DLG2: variants seen among roughly 807,000 people sequenced by gnomAD.
DLG2 encodes the protein discs large MAGUK scaffold protein 2, also known as disks large homolog 2.
A neutral mutation model predicts 132.5 loss-of-function variants in DLG2; 45 were observed. The ratio of observed to expected loss-of-function variants is 0.34; its 90% CI spans 0.27 to 0.44. The LOEUF (loss-of-function observed/expected upper bound fraction) is 0.44, where lower values mean the gene tolerates loss of function less well. DLG2 is among the 20% of genes least tolerant of loss of function. DLG2 has a pLI of 1.00. For missense variants in DLG2, 1,045 were observed against 1,196.9 expected (o/e 0.87, Z 1.87); for synonymous variants, 424 against 419.6 (o/e 1.01, Z -0.13).
At position 85,278,761 on chromosome 11, in the gene DLG2, C is replaced by T. The variant is rs1364822272; in HGVS notation, c.186+6459G>A. ...TTTCTAAACCCACCCAGCTATGAAA[C>T]CATCTCTAGTACTCTAGTAAAAATC... On this transcript the variant is annotated intron_variant, in intron 4 of 27. Coordinates refer to ENST00000376104, the MANE Select transcript of DLG2 (RefSeq NM_001142699.3). Among the ~76,000 whole-genome samples the T allele has an allele frequency of 3.9e-5, 6 of 152,130 alleles. No homozygotes were observed. In the East Asian group the frequency reaches 9.6e-4, roughly 24 times the overall value.
At chr11:85,213,349 T>C (rs770254632) in intron 4 of DLG2, among the ~76,000 whole-genome samples, 1 of 151,796 alleles carries the variant, frequency 6.6e-6, no homozygotes, top group South Asian at 2.1e-4. Context: ...AATTAATACA[T>C]GTAAGATGTA....
chr11:85,519,647 T>C (rs962580745), intron 3 of DLG2, among the ~76,000 whole-genome samples: 3 of 152,190 alleles, frequency 2.0e-5, no homozygotes, highest in African/African-American at 7.2e-5. Context: ...GGGGAACTGT[T>C]GGGAAGGCAT....
At chr11:84,354,628 A>G (rs2098600071) in intron 7 of DLG2, among the ~76,000 whole-genome samples, 1 of 152,246 alleles carries the variant, frequency 6.6e-6, no homozygotes, top group South Asian at 2.1e-4. Context: ...ACAGAATCAG[A>G]GAATTAAACT....
At chr11:85,256,649 C>T (rs1186650354) in intron 4 of DLG2, among the ~76,000 whole-genome samples, 1 of 152,148 alleles carries the variant, frequency 6.6e-6, no homozygotes, top group East Asian at 1.9e-4. Context: ...CATCTGCATG[C>T]TCCTCCTCCT....
At chr11:84,909,898 T>C (rs1454572440) in intron 6 of DLG2, among the ~76,000 whole-genome samples, 1 of 152,230 alleles carries the variant, frequency 6.6e-6, no homozygotes, top group Non-Finnish European at 1.5e-5. Context: ...CCCTGCATCC[T>C]GCCTCTGGCC....
At chr11:83,924,867 G>GTT (rs1342347304) in intron 15 of DLG2, among the ~76,000 whole-genome samples, 1 of 152,094 alleles carries the variant, frequency 6.6e-6, no homozygotes, top group African/African-American at 2.4e-5. Flanking sequence ...ACAGTTAGAA[G>GTT]TTAGACCTAT....
chr11:84,570,037 T>C (rs2099474911), intron 6 of DLG2, among the ~76,000 whole-genome samples: 1 of 152,154 alleles, frequency 6.6e-6, no homozygotes, highest in Admixed American at 6.5e-5. Flanking sequence ...ATTCTGAATG[T>C]TGGAAAGGAT....
intron 6 of DLG2, among the ~76,000 whole-genome samples, chr11:84,694,966 A>C (rs2058463109): frequency 1.3e-5 from 2 of 151,566 alleles, no homozygotes; most frequent in South Asian, 4.1e-4. Flanking sequence ...AAAGTGGCTA[A>C]ATTGTTCGCC....
chr11:85,517,250 C>G (rs546289460), intron 3 of DLG2, among the ~76,000 whole-genome samples: 1 of 151,200 alleles, frequency 6.6e-6, no homozygotes, highest in Non-Finnish European at 1.5e-5. Context: ...AAAAAAAAAC[C>G]CTCCCCAAGA....
At chr11:83,604,553 C>T (rs942795179) in intron 19 of DLG2, among the ~76,000 whole-genome samples, 8 of 152,024 alleles carry the variant, frequency 5.3e-5, no homozygotes, top group African/African-American at 1.5e-4. Context: ...GTACTCCATA[C>T]GATACTATAA....
chr11:85,392,997 G>A (rs2086937651), intron 3 of DLG2, among the ~76,000 whole-genome samples: 1 of 152,094 alleles, frequency 6.6e-6, no homozygotes. Context: ...AAACTAAAAA[G>A]CTTTTGCACA....
chr11:83,786,880 T>A, intron 17 of DLG2, 88 bp from the exon 18 acceptor site: 1 of 1,033,672 alleles, frequency 9.7e-7, no homozygotes, highest in Non-Finnish European at 1.5e-6. Context: ...CCAGGCTGTC[T>A]AACATTATAT....
In DLG2 at chr11:83,986,314, GT is replaced by G. The variant is rs2093307113; in HGVS notation, c.920-5673del. ...TATGAGTGAGAATATGCGGCATTTG[GT>G]TTTTTGTTCTTGCAATAGTTTACTG... On this transcript the variant is annotated intron_variant, in intron 11 of 27. Transcript: ENST00000376104. 2.0e-5 allele frequency among the ~76,000 whole-genome samples: 3 copies of G among 151,550 alleles called. No homozygotes were observed. The South Asian group carries it at 6.3e-4, about 32-fold the overall frequency.
At chr11:83,984,824 CTTAGTG>C (rs1357725740) in intron 11 of DLG2, among the ~76,000 whole-genome samples, 1 of 152,200 alleles carries the variant, frequency 6.6e-6, no homozygotes, top group African/African-American at 2.4e-5. Flanking sequence ...TTTATCATTT[CTTAGTG>C]TTAGGAACAT....
intron 18 of DLG2, among the ~76,000 whole-genome samples, chr11:83,701,777 C>T (rs1044451780): frequency 2.0e-5 from 3 of 152,074 alleles, no homozygotes; most frequent in Non-Finnish European, 2.9e-5. Flanking sequence ...GATAACCTGT[C>T]GTGGTAGGGA....
At chr11:84,981,148 T>A (rs1041522060) in intron 6 of DLG2, among the ~76,000 whole-genome samples, 2 of 152,218 alleles carry the variant, frequency 1.3e-5, no homozygotes, top group African/African-American at 4.8e-5. Context: ...AGTCATGGAC[T>A]CTATATGCTC....
chr11:83,775,997 C>A lies in DLG2; in HGVS notation c.1825+10693G>T, dbSNP rs573391855. Among the ~76,000 whole-genome samples, 4 of 152,172 alleles carry A rather than the reference C, an allele frequency of 2.6e-5. No homozygotes were observed. The South Asian group carries it at 6.2e-4, about 24-fold the overall frequency. On this transcript the variant is annotated intron_variant, in intron 18 of 27. Transcript: ENST00000376104. Reference sequence around the variant, plus strand: ...GTCCCAGCTACTCGGGAGGCTGAGGCAGGAGAATGGTGTGAACCCAGGAGG... The same window carrying A: ...GTCCCAGCTACTCGGGAGGCTGAGGAAGGAGAATGGTGTGAACCCAGGAGG...
intron 3 of DLG2, among the ~76,000 whole-genome samples, chr11:85,540,170 A>G (rs1598381663): frequency 6.6e-6 from 1 of 152,144 alleles, no homozygotes; most frequent in Non-Finnish European, 1.5e-5. Context: ...TGAGGGATCC[A>G]CCCTTGGGCC....
intron 4 of DLG2, among the ~76,000 whole-genome samples, chr11:85,264,128 C>A (rs1389620092): frequency 6.6e-6 from 1 of 152,152 alleles, no homozygotes; most frequent in Non-Finnish European, 1.5e-5. Flanking sequence ...TGTTCTCCCC[C>A]ACCTGCTGCC....
Sources: allele counts gnomAD v4.1 joint callset (sites outside exome capture counted in the v4.1 genomes callset), GRCh38; gene constraint gnomAD v4.1.1; transcripts MANE v1.5; gene names NCBI Gene and HGNC (gene_info 2026-07-23, HGNC 2026-07-21).